Variants in GRIN2A observed in about 807,000 individuals in gnomAD.
GRIN2A encodes the protein glutamate receptor ionotropic, NMDA 2A.
GRIN2A carries 22 observed loss-of-function variants against 113.4 expected under a neutral mutation model. The ratio of observed to expected loss-of-function variants is 0.19; its 90% CI spans 0.14 to 0.28. GRIN2A has a LOEUF of 0.28. GRIN2A is among the 10% of genes least tolerant of loss of function. The probability of loss-of-function intolerance (pLI) is 1.00; values close to 1 mark genes in which losing one functional copy is unlikely to be tolerated. For missense variants in GRIN2A, 1,502 were observed against 1,887.0 expected, an observed-to-expected ratio of 0.80 and a Z score of 3.78; for synonymous variants, 827 against 738.4, an observed-to-expected ratio of 1.12 and a Z score of -1.94.
At chr16:9,851,780 A>G (rs376875946) in intron 4 of GRIN2A, among the ~76,000 whole-genome samples, 5 of 152,188 alleles carry the variant, frequency 3.3e-5, no homozygotes, top group African/African-American at 1.2e-4. Flanking sequence ...CACTTTCTCC[A>G]TTTGTAAAAT....
At chr16:10,150,606 A>G (rs1035713580) in intron 2 of GRIN2A, among the ~76,000 whole-genome samples, 7 of 152,042 alleles carry the variant, frequency 4.6e-5, no homozygotes, top group Admixed American at 3.9e-4. Context: ...TTCCCCAGAC[A>G]TGGCAAGCCC....
intron 2 of GRIN2A, among the ~76,000 whole-genome samples, chr16:10,012,169 A>G (rs1269517247): frequency 1.3e-5 from 2 of 152,360 alleles, no homozygotes; most frequent in South Asian, 4.1e-4. Context: ...GCGAAATGGA[A>G]AAAGTTTTTA....
chr16:9,931,423 A>G (rs1009404343), intron 3 of GRIN2A, among the ~76,000 whole-genome samples: 2 of 152,218 alleles, frequency 1.3e-5, no homozygotes, highest in African/African-American at 2.4e-5. Context: ...ATACTTTAAG[A>G]TGTTACAAGA....
intron 2 of GRIN2A, among the ~76,000 whole-genome samples, chr16:9,991,853 G>C (rs1310955485): frequency 1.3e-5 from 2 of 152,126 alleles, no homozygotes; most frequent in South Asian, 4.1e-4. Context: ...TGAACAATGA[G>C]AATACATGGA....
intron 3 of GRIN2A, among the ~76,000 whole-genome samples, chr16:9,900,293 C>T (rs978908737): frequency 6.6e-6 from 1 of 152,172 alleles, no homozygotes; most frequent in African/African-American, 2.4e-5. Context: ...TTTGATTGTT[C>T]AGAGCTCACA....
chr16:9,892,737 TC>T (rs1268141086), intron 3 of GRIN2A, among the ~76,000 whole-genome samples: 1 of 151,984 alleles, frequency 6.6e-6, no homozygotes, highest in Non-Finnish European at 1.5e-5. Flanking sequence ...GGTGAGAGGT[TC>T]CCCAAGGGAT....
At chr16:10,124,711 G>A (rs535002939) in intron 2 of GRIN2A, among the ~76,000 whole-genome samples, 11 of 152,278 alleles carry the variant, frequency 7.2e-5, no homozygotes, top group African/African-American at 2.4e-4. Context: ...GTTGGCCCGT[G>A]TGTCAGGTGT....
chr16:9,838,386 G>A (rs1364585522), intron 7 of GRIN2A, among the ~76,000 whole-genome samples: 1 of 152,100 alleles, frequency 6.6e-6, no homozygotes. Context: ...GCAAAGATAT[G>A]GAATCAACCT....
intron 2 of GRIN2A, among the ~76,000 whole-genome samples, chr16:10,053,267 T>C (rs1265076939): frequency 6.6e-6 from 1 of 152,198 alleles, no homozygotes; most frequent in Non-Finnish European, 1.5e-5. Flanking sequence ...CAGAGGATCC[T>C]ATGGAAAAGG....
rs1596373194 is a variant in GRIN2A at position 9,762,504 on chromosome 16, A to G, written c.*645T>C. ...TCCAGATGTGTCTTGGAAATGAACT[A>G]TAATGAAGGTAGCACAGTCATCACG... On this transcript the variant is annotated 3_prime_UTR_variant, in exon 13 of 13. Coordinates refer to ENST00000330684, the MANE Select transcript of GRIN2A (RefSeq NM_001134407.3). The G allele has an allele frequency of 9.0e-6, 2 of 223,336 alleles. No individual in the cohort carries two copies. The highest frequency in any genetic ancestry group is 6.6e-5 in the East Asian group (1 of 15,154). The allele number at this position is 223,336 out of a possible 1,614,324, so 13.8% of individuals were successfully genotyped here. A position where few individuals can be genotyped will look rare whatever the true frequency, so the allele number is the denominator to read the frequency against.
At chr16:10,158,988 A>C (rs8045990) in intron 2 of GRIN2A, among the ~76,000 whole-genome samples, 1 of 152,030 alleles carries the variant, frequency 6.6e-6, no homozygotes, top group Non-Finnish European at 1.5e-5. Context: ...CCATGGAAGG[A>C]AACAAAACTT....
chr16:10,025,839 C>T (rs1319027909), intron 2 of GRIN2A, among the ~76,000 whole-genome samples: 2 of 152,130 alleles, frequency 1.3e-5, no homozygotes, highest in Non-Finnish European at 2.9e-5. Flanking sequence ...AATCTTACTG[C>T]AAACCCTGGA....
chr16:10,074,614 T>G (rs1246387657), intron 2 of GRIN2A, among the ~76,000 whole-genome samples: 3 of 152,152 alleles, frequency 2.0e-5, no homozygotes, highest in Admixed American at 1.3e-4. Flanking sequence ...TTATGCTAAG[T>G]GAAGGAAACC....
intron 11 of GRIN2A, among the ~76,000 whole-genome samples, chr16:9,797,589 G>C (rs768671250): frequency 3.9e-5 from 6 of 152,154 alleles, no homozygotes; most frequent in Non-Finnish European, 7.3e-5. Context: ...TGCCATGTTG[G>C]TACAACATGA....
intron 2 of GRIN2A, among the ~76,000 whole-genome samples, chr16:10,124,004 G>C (rs1016703018): frequency 2.6e-5 from 4 of 152,118 alleles, no homozygotes; most frequent in Non-Finnish European, 5.9e-5. Context: ...CCCTCACAGA[G>C]CCCTTGTTCC....
intron 2 of GRIN2A, among the ~76,000 whole-genome samples, chr16:10,173,027 A>C (rs998098916): frequency 2.6e-5 from 4 of 152,170 alleles, no homozygotes; most frequent in Admixed American, 2.6e-4. Flanking sequence ...CCACCAGACC[A>C]CAGCTCTTCA....
intron 2 of GRIN2A, chr16:10,121,527 A>G (rs2048832746): frequency 6.6e-6 from 1 of 152,150 alleles, no homozygotes; most frequent in African/African-American, 2.4e-5. Context: ...GACCATGGAA[A>G]TCAGGCAGGT....
At chr16:10,173,025 C>T (rs35844408) in intron 2 of GRIN2A, among the ~76,000 whole-genome samples, 10,088 of 152,232 alleles carry the variant, frequency 0.066, 440 homozygotes, top group South Asian at 0.12. Context: ...ACCCACCAGA[C>T]CACAGCTCTT....
At chr16:10,159,999 C>T (rs168866) in intron 2 of GRIN2A, among the ~76,000 whole-genome samples, 89,073 of 152,112 alleles carry the variant, frequency 0.59, 26,587 homozygotes, top group East Asian at 0.86. Flanking sequence ...AGGAAACAGA[C>T]TCTTCCCCAG....
Sources: gnomAD v4.1 joint callset for allele counts (sites outside exome capture counted in the v4.1 genomes callset) on GRCh38, gnomAD v4.1.1 for gene constraint, MANE v1.5 for transcripts, NCBI Gene and HGNC (gene_info 2026-07-23, HGNC 2026-07-21) for gene names.